MITF: variants seen among roughly 807,000 people sequenced by gnomAD.
MITF encodes microphthalmia-associated transcription factor.
MITF carries 17 observed loss-of-function variants against 60.5 expected under a neutral mutation model. That is an observed-to-expected ratio of 0.28 (90% confidence interval 0.19 to 0.42). MITF has a LOEUF of 0.42. MITF is among the 10% of genes least tolerant of loss of function. The probability of loss-of-function intolerance (pLI) is 1.00; values close to 1 mark genes in which losing one functional copy is unlikely to be tolerated. For synonymous variants in MITF, 260 were observed against 248.5 expected (o/e 1.05, Z -0.43); for missense variants, 622 against 683.5 (o/e 0.91, Z 1.00).
At chr3:69,761,931 T>A (rs2062218111) in intron 1 of MITF, among the ~76,000 whole-genome samples, 1 of 152,254 alleles carries the variant, frequency 6.6e-6, no homozygotes, top group African/African-American at 2.4e-5. Context: ...ATGTAGCTCA[T>A]AACATCTGGA....
chr3:69,757,885 G>T (rs2062150304), intron 1 of MITF, among the ~76,000 whole-genome samples: 1 of 151,476 alleles, frequency 6.6e-6, no homozygotes, highest in South Asian at 2.1e-4. Flanking sequence ...AACCAGTGTT[G>T]CCTGTGGAAA....
At chr3:69,855,605 G>A (rs559872836) in intron 1 of MITF, among the ~76,000 whole-genome samples, 22 of 151,590 alleles carry the variant, frequency 1.5e-4, no homozygotes, top group Non-Finnish European at 2.7e-4. Flanking sequence ...GAATCCCAAA[G>A]CATTATAAAG....
intron 1 of MITF, among the ~76,000 whole-genome samples, chr3:69,773,028 T>G (rs2062417050): frequency 6.6e-6 from 1 of 152,154 alleles, no homozygotes; most frequent in South Asian, 2.1e-4. Context: ...TGGCTGGGTT[T>G]GGGGTGACTT....
chr3:69,785,010 A>G (rs1226054609), intron 1 of MITF, among the ~76,000 whole-genome samples: 1 of 149,000 alleles, frequency 6.7e-6, no homozygotes, highest in Non-Finnish European at 1.5e-5. Flanking sequence ...TTTCCTTGTT[A>G]TCTTTGTCAA....
At chr3:69,900,582 A>G (rs1230665176) in intron 2 of MITF, among the ~76,000 whole-genome samples, 1 of 152,182 alleles carries the variant, frequency 6.6e-6, no homozygotes, top group Non-Finnish European at 1.5e-5. Flanking sequence ...GCTAGAGTTG[A>G]CAAAACCTGA....
chr3:69,925,164 C>T (rs1442541309), intron 2 of MITF, among the ~76,000 whole-genome samples: 4 of 152,080 alleles, frequency 2.6e-5, no homozygotes, highest in African/African-American at 9.7e-5. Flanking sequence ...TGCATCTCAT[C>T]ACTTAAGCTT....
chr3:69,878,660 A>G (rs2064409901), intron 1 of MITF, among the ~76,000 whole-genome samples: 1 of 152,178 alleles, frequency 6.6e-6, no homozygotes, highest in South Asian at 2.1e-4. Context: ...CTTTTCTTTA[A>G]TCAATATTTG....
intron 1 of MITF, among the ~76,000 whole-genome samples, chr3:69,839,717 T>C (rs902969366): frequency 2.6e-5 from 4 of 151,998 alleles, no homozygotes; most frequent in African/African-American, 7.2e-5. Flanking sequence ...TTTCCATTCA[T>C]TAATGTTCAG....
In MITF at chr3:69,966,714, C is replaced by T; in HGVS notation, c.*1466C>T. Reference sequence around the variant, plus strand: ...TAACAGTAGTGTTACATGTATCAAGCCTAGATGTTTTATACAGATGCCATA... The same window carrying T: ...TAACAGTAGTGTTACATGTATCAAGTCTAGATGTTTTATACAGATGCCATA... On this transcript the variant is annotated 3_prime_UTR_variant, in exon 10 of 10. Coordinates refer to ENST00000352241, the MANE Select transcript of MITF (RefSeq NM_001354604.2). 1 of 232,882 alleles carries T rather than the reference C, an allele frequency of 4.3e-6. No homozygotes were observed. Among genetic ancestry groups the T allele is most frequent in the Non-Finnish European group, 8.5e-6 (1 of 117,614 alleles). 14.4% of individuals were successfully genotyped at this position (232,882 alleles called of 1,614,324 possible). A position where few individuals can be genotyped will look rare whatever the true frequency, so the allele number is the denominator to read the frequency against.
At chr3:69,902,998 A>C (rs2065026013) in intron 2 of MITF, among the ~76,000 whole-genome samples, 1 of 152,150 alleles carries the variant, frequency 6.6e-6, no homozygotes, top group African/African-American at 2.4e-5. Flanking sequence ...TTATTATTTC[A>C]ATGTTGTTTG....
Position 69,739,464 on chromosome 3 carries a change from G to A in MITF, c.-134G>A. ...ACTCCCCGCGCTGGGGCGGGCGGCCGCGAGCCGGCGAGCGGGCAGAGCTCG... is the reference window on the plus strand; with the variant it reads ...ACTCCCCGCGCTGGGGCGGGCGGCCACGAGCCGGCGAGCGGGCAGAGCTCG... On this transcript the variant is annotated 5_prime_UTR_variant, in exon 1 of 10. Coordinates refer to ENST00000352241, the MANE Select transcript of MITF (RefSeq NM_001354604.2). 1 of 705,566 alleles carries A rather than the reference G, an allele frequency of 1.4e-6. No homozygotes were observed. The allele number at this position is 705,566 out of a possible 1,614,324, so 43.7% of individuals were successfully genotyped here.
chr3:69,781,883 T>C (rs1365181773), intron 1 of MITF, among the ~76,000 whole-genome samples: 1 of 152,228 alleles, frequency 6.6e-6, no homozygotes, highest in Non-Finnish European at 1.5e-5. Context: ...TTTTTCTAAA[T>C]GTACTTTCTA....
At chr3:69,824,807 T>C (rs2063329605) in intron 1 of MITF, among the ~76,000 whole-genome samples, 1 of 152,110 alleles carries the variant, frequency 6.6e-6, no homozygotes, top group African/African-American at 2.4e-5. Flanking sequence ...TGTAGCAGGG[T>C]GCCTCTGGTG....
intron 1 of MITF, among the ~76,000 whole-genome samples, chr3:69,859,659 A>T (rs2063978222): frequency 6.6e-6 from 1 of 152,028 alleles, no homozygotes; most frequent in Non-Finnish European, 1.5e-5. Flanking sequence ...TTGGAAGAAG[A>T]AAGAAACTGA....
At chr3:69,863,115 A>G (rs1242373064) in intron 1 of MITF, among the ~76,000 whole-genome samples, 1 of 152,156 alleles carries the variant, frequency 6.6e-6, no homozygotes, top group South Asian at 2.1e-4. Flanking sequence ...CATTTTAAAG[A>G]TATTCATCAA....
chr3:69,860,446 A>G (rs1385871292), intron 1 of MITF, among the ~76,000 whole-genome samples: 1 of 152,128 alleles, frequency 6.6e-6, no homozygotes, highest in Non-Finnish European at 1.5e-5. Context: ...AATACAAAAA[A>G]AATTAGCCGG....
chr3:69,829,338 G>A (rs1308531814), intron 1 of MITF, among the ~76,000 whole-genome samples: 1 of 152,128 alleles, frequency 6.6e-6, no homozygotes, highest in Non-Finnish European at 1.5e-5. Flanking sequence ...TTCTATAGGC[G>A]TGAATTTTGA....
At chr3:69,946,816 G>A (rs1017191942) in intron 5 of MITF, among the ~76,000 whole-genome samples, 3 of 152,070 alleles carry the variant, frequency 2.0e-5, no homozygotes, top group South Asian at 2.1e-4. Context: ...CCTTTTTGAT[G>A]TGCACTGTCG....
intron 2 of MITF, among the ~76,000 whole-genome samples, chr3:69,884,437 C>G (rs1156241760): frequency 6.6e-6 from 1 of 152,022 alleles, no homozygotes; most frequent in Non-Finnish European, 1.5e-5. Flanking sequence ...TCTGGGTTGT[C>G]TCTATCTTTA....
Sources: gnomAD v4.1 joint callset for allele counts (sites outside exome capture counted in the v4.1 genomes callset) on GRCh38, gnomAD v4.1.1 for gene constraint, MANE v1.5 for transcripts, NCBI Gene and HGNC (gene_info 2026-07-23, HGNC 2026-07-21) for gene names.